The following TRMT11 variants were observed in gnomAD, a reference collection of about 807,000 sequenced individuals.
The protein encoded by TRMT11 is tRNA (guanine(10)-N(2))-methyltransferase TRMT11.
A neutral mutation model predicts 62.8 loss-of-function variants in TRMT11; 53 were observed. That is an observed-to-expected ratio of 0.84 (90% CI 0.68 to 1.06). TRMT11 has a LOEUF of 1.06. Ranked by LOEUF, TRMT11 falls within the 50% of genes least tolerant of loss-of-function variation. TRMT11 has a pLI of 0.00. For synonymous variants in TRMT11, 188 were observed against 190.3 expected, an observed-to-expected ratio of 0.99 and a Z score of 0.10; for missense variants, 556 against 553.4, an observed-to-expected ratio of 1.00 and a Z score of -0.05.
intron 21 of TRMT11, among the ~76,000 whole-genome samples, chr6:126,130,220 A>T (rs1777764954): frequency 6.6e-6 from 1 of 152,110 alleles, no homozygotes; most frequent in Non-Finnish European, 1.5e-5. Context: ...AGAGAGAAAG[A>T]TATGAAGAGA....
At chr6:125,991,286 C>G (rs1179998880) in intron 1 of TRMT11, among the ~76,000 whole-genome samples, 1 of 151,754 alleles carries the variant, frequency 6.6e-6, no homozygotes, top group Non-Finnish European at 1.5e-5. Context: ...TGTTCTCTCT[C>G]TGTTTTCCAG....
chr6:126,190,080 G>A lies in TRMT11; in HGVS notation n.144-8719G>A, dbSNP rs150123460. On this transcript the variant is annotated intron_variant and non_coding_transcript_variant, in intron 1 of 3. Transcript: ENST00000444229. ...AAACATTATAATTTCTTCTTTTTTA[G>A]CTATTTTGAAATATACAATAGATTA... 2.9e-3 allele frequency among the ~76,000 whole-genome samples: 446 copies of A among 151,832 alleles called. 2 individuals are homozygous for A. Among genetic ancestry groups the A allele is most frequent in the African/African-American group, 0.01 (431 of 41,398 alleles).
At chr6:126,090,790 G>T (rs548604855) in intron 17 of TRMT11, among the ~76,000 whole-genome samples, 1 of 152,098 alleles carries the variant, frequency 6.6e-6, no homozygotes, top group Non-Finnish European at 1.5e-5. Flanking sequence ...ATCCATACAC[G>T]TGCGGTATGG....
At chr6:126,051,882 G>A (rs181716725) in intron 16 of TRMT11, among the ~76,000 whole-genome samples, 1 of 152,288 alleles carries the variant, frequency 6.6e-6, no homozygotes, top group East Asian at 1.9e-4. Flanking sequence ...TATGCAAGAA[G>A]CAGAAGATCC....
chr6:126,154,281 A>T (rs1448823171), intron 21 of TRMT11, among the ~76,000 whole-genome samples: 1 of 151,828 alleles, frequency 6.6e-6, no homozygotes, highest in Non-Finnish European at 1.5e-5. Flanking sequence ...AGCAATTTTT[A>T]TGATGGTGTT....
At chr6:126,027,575 G>A (rs960064435) in intron 12 of TRMT11, among the ~76,000 whole-genome samples, 4 of 152,056 alleles carry the variant, frequency 2.6e-5, no homozygotes, top group Non-Finnish European at 5.9e-5. Context: ...GTATGGGTAC[G>A]TTTAATTCAA....
chr6:126,164,211 C>T (rs1326344665), intron 21 of TRMT11, among the ~76,000 whole-genome samples: 2 of 152,160 alleles, frequency 1.3e-5, no homozygotes, highest in Admixed American at 1.3e-4. Context: ...TTATTTATTT[C>T]TGCCTTCGTT....
At chr6:126,098,636 A>G (rs1452916730) in intron 17 of TRMT11, among the ~76,000 whole-genome samples, 1 of 152,186 alleles carries the variant, frequency 6.6e-6, no homozygotes, top group Non-Finnish European at 1.5e-5. Context: ...CTCTTGTTAG[A>G]AATCTGTGAA....
At chr6:126,147,894 C>T (rs763685203) in intron 21 of TRMT11, among the ~76,000 whole-genome samples, 2 of 151,378 alleles carry the variant, frequency 1.3e-5, no homozygotes, top group East Asian at 1.9e-4. Flanking sequence ...TGGGGCCTGT[C>T]GTGGGGGTAG....
At chr6:126,206,293 A>G (rs1008559684), downstream of TRMT11, among the ~76,000 whole-genome samples, 40 of 152,092 alleles carry the variant, frequency 2.6e-4, no homozygotes, top group African/African-American at 8.7e-4. Flanking sequence ...GTCTATGGGG[A>G]TCTTGTCTTT....
At chr6:126,103,201 T>C (rs368269061) in intron 17 of TRMT11, among the ~76,000 whole-genome samples, 1 of 152,356 alleles carries the variant, frequency 6.6e-6, no homozygotes, top group East Asian at 1.9e-4. Context: ...TGATCATAAA[T>C]GGTCCTACGC....
At chr6:126,235,798 A>G in the TRMT11 span, among the ~76,000 whole-genome samples, 4 of 152,172 alleles carry the variant, frequency 2.6e-5, no homozygotes, top group East Asian at 3.8e-4. Context: ...GCAAACTGCC[A>G]TGGCACATAT....
the TRMT11 span, among the ~76,000 whole-genome samples, chr6:126,238,318 G>A: frequency 2.0e-5 from 3 of 152,188 alleles, no homozygotes; most frequent in African/African-American, 4.8e-5. Flanking sequence ...GTCAATTTTA[G>A]ATCTTTCCTG....
At chr6:126,116,633 G>A (rs1016329009) in intron 21 of TRMT11, among the ~76,000 whole-genome samples, 1 of 152,036 alleles carries the variant, frequency 6.6e-6, no homozygotes, top group Non-Finnish European at 1.5e-5. Context: ...AAATCCACGT[G>A]GATATGTATC....
intron 12 of TRMT11, among the ~76,000 whole-genome samples, chr6:126,025,912 T>G (rs1014330225): frequency 6.6e-6 from 1 of 152,216 alleles, no homozygotes; most frequent in Non-Finnish European, 1.5e-5. Context: ...AAATGTAAGT[T>G]ACAACAAAAA....
chr6:126,032,486 C>T (rs186241325), intron 12 of TRMT11, among the ~76,000 whole-genome samples: 108 of 152,228 alleles, frequency 7.1e-4, no homozygotes, highest in African/African-American at 2.1e-3. Flanking sequence ...TCTTCTCACA[C>T]GCACTGTGTT....
At chr6:125,986,919 C>T (rs1789735535) in intron 1 of TRMT11, 1 of 420,140 alleles carries the variant, frequency 2.4e-6, no homozygotes, top group African/African-American at 2.0e-5. Flanking sequence ...AGCTCTTCGT[C>T]TAGCGGAGAA....
At chr6:126,011,628 A>G (rs1794212659) in intron 9 of TRMT11, among the ~76,000 whole-genome samples, 2 of 152,112 alleles carry the variant, frequency 1.3e-5, no homozygotes, top group African/African-American at 4.8e-5. Context: ...TTAAACAAAT[A>G]TATTGGCTTG....
downstream of TRMT11, among the ~76,000 whole-genome samples, chr6:126,044,046 C>T (rs1485181102): frequency 7.3e-5 from 11 of 151,454 alleles, no homozygotes; most frequent in Non-Finnish European, 1.6e-4. Context: ...TGTGCAGAAG[C>T]TCTTTAGTTT....
Sources: gnomAD v4.1 joint callset for allele counts (sites outside exome capture counted in the v4.1 genomes callset) on GRCh38, gnomAD v4.1.1 for gene constraint, MANE v1.5 for transcripts, NCBI Gene and HGNC (gene_info 2026-07-23, HGNC 2026-07-21) for gene names.